The following DDAH1 variants were observed in gnomAD, a reference collection of about 807,000 sequenced individuals.
DDAH1 encodes the protein N(G),N(G)-dimethylarginine dimethylaminohydrolase 1.
In DDAH1, 19 loss-of-function variants were observed where a neutral mutation model predicts 28.8. The observed-to-expected ratio is 0.66, with a 90% CI of 0.46 to 0.97. The LOEUF (loss-of-function observed/expected upper bound fraction) is 0.97, where lower values mean the gene tolerates loss of function less well. DDAH1 is among the 50% of genes least tolerant of loss of function. DDAH1 has a pLI of 0.00. For synonymous variants in DDAH1, 153 were observed against 154.4 expected (o/e 0.99, Z 0.07); for missense variants, 326 against 375.9 (o/e 0.87, Z 1.10).
At chr1:85,365,178 T>C (rs867143270) in intron 1 of DDAH1, among the ~76,000 whole-genome samples, 5 of 152,184 alleles carry the variant, frequency 3.3e-5, no homozygotes, top group African/African-American at 9.7e-5. Context: ...CAAAGTCTCA[T>C]AGCAAGTAAG....
intron 1 of DDAH1, among the ~76,000 whole-genome samples, chr1:85,570,839 G>A (rs1659433953): frequency 6.6e-6 from 1 of 152,030 alleles, no homozygotes. Context: ...TAAGGAATGT[G>A]TAAAGGGCTG....
At chr1:85,534,103 A>G (rs1658184891) in intron 1 of DDAH1, among the ~76,000 whole-genome samples, 1 of 152,128 alleles carries the variant, frequency 6.6e-6, no homozygotes, top group Admixed American at 6.5e-5. Context: ...AGGAAGAAAA[A>G]CTTACTCTTA....
rs1214785480 is a variant in DDAH1 at position 85,395,819 on chromosome 1, T to C, written c.304-36972A>G. Among the ~76,000 whole-genome samples, 3 of 152,168 alleles carry C rather than the reference T, an allele frequency of 2.0e-5. No individual in the cohort carries two copies. The East Asian group carries it at 5.8e-4, about 29-fold the overall frequency. Reference sequence around the variant, plus strand: ...GTTGGCTAAAATTAAAAAAGAATTGTTTTTAGGTTTTTCTAAAAATTAAGC... The same window carrying C: ...GTTGGCTAAAATTAAAAAAGAATTGCTTTTAGGTTTTTCTAAAAATTAAGC... On this transcript the variant is annotated intron_variant, in intron 1 of 5. Transcript: ENST00000284031.
intron 2 of DDAH1, among the ~76,000 whole-genome samples, chr1:85,353,443 T>C (rs1649334220): frequency 6.6e-6 from 1 of 152,174 alleles, no homozygotes; most frequent in Non-Finnish European, 1.5e-5. Flanking sequence ...GCAAATGACA[T>C]AGGTCAGGTG....
intron 1 of DDAH1, among the ~76,000 whole-genome samples, chr1:85,366,923 G>A (rs1650107253): frequency 6.6e-6 from 1 of 152,164 alleles, no homozygotes; most frequent in Admixed American, 6.5e-5. Context: ...AGTGAGATAA[G>A]TATATGACAC....
intron 1 of DDAH1, among the ~76,000 whole-genome samples, chr1:85,444,751 T>G (rs2100659095): frequency 6.6e-6 from 1 of 152,310 alleles, no homozygotes; most frequent in South Asian, 2.1e-4. Flanking sequence ...GGAAAGGAGT[T>G]CATAGATGTG....
At chr1:85,435,612 C>T (rs1467052619) in intron 1 of DDAH1, among the ~76,000 whole-genome samples, 1 of 152,060 alleles carries the variant, frequency 6.6e-6, no homozygotes, top group African/African-American at 2.4e-5. Context: ...AACAGAAATG[C>T]AGGAGGTGGA....
chr1:85,340,723 C>A (rs1026724591), intron 4 of DDAH1, among the ~76,000 whole-genome samples: 1 of 152,038 alleles, frequency 6.6e-6, no homozygotes, highest in Non-Finnish European at 1.5e-5. Context: ...CCAGACAGAT[C>A]TTTCTGAAAA....
At chr1:85,490,403 C>A (rs1163409371) in intron 2 of DDAH1, among the ~76,000 whole-genome samples, 1 of 152,172 alleles carries the variant, frequency 6.6e-6, no homozygotes, top group African/African-American at 2.4e-5. Context: ...GTATCTCTAA[C>A]ACAGTATGAT....
At chr1:85,432,212 A>G (rs1263342299) in intron 1 of DDAH1, among the ~76,000 whole-genome samples, 1 of 152,204 alleles carries the variant, frequency 6.6e-6, no homozygotes, top group Admixed American at 6.5e-5. Flanking sequence ...GGCTCAAGAT[A>G]GCAAGATTGA....
intron 2 of DDAH1, among the ~76,000 whole-genome samples, chr1:85,475,417 AT>A (rs1190345471): frequency 6.6e-6 from 1 of 152,160 alleles, no homozygotes; most frequent in African/African-American, 2.4e-5. Flanking sequence ...CCTCTTTCCT[AT>A]TCCATTATTG....
chr1:85,389,415 T>A (rs10782548), intron 1 of DDAH1, among the ~76,000 whole-genome samples: 104,809 of 152,056 alleles, frequency 0.69, 36,274 homozygotes, highest in South Asian at 0.84. Flanking sequence ...GAGTCTAGAC[T>A]ATCCCATACA....
intron 1 of DDAH1, among the ~76,000 whole-genome samples, chr1:85,386,027 C>T (rs1651240124): frequency 6.6e-6 from 1 of 152,066 alleles, no homozygotes; most frequent in African/African-American, 2.4e-5. Context: ...GAGGATGGCA[C>T]CAAGCATGAG....
At chr1:85,561,075 T>A (rs1213473784) in intron 1 of DDAH1, among the ~76,000 whole-genome samples, 10 of 152,080 alleles carry the variant, frequency 6.6e-5, no homozygotes, top group Non-Finnish European at 7.4e-5. Flanking sequence ...AGGGAGTGTA[T>A]CCTAGTGGTT....
intron 1 of DDAH1, among the ~76,000 whole-genome samples, chr1:85,385,890 G>A (rs1008213320): frequency 6.6e-6 from 1 of 152,180 alleles, no homozygotes; most frequent in Admixed American, 6.5e-5. Context: ...GCCAATGGGA[G>A]CAGGTATAAG....
chr1:85,334,468 G>A (rs1278055225), intron 4 of DDAH1, among the ~76,000 whole-genome samples: 1 of 152,214 alleles, frequency 6.6e-6, no homozygotes, highest in African/African-American at 2.4e-5. Flanking sequence ...ATGTTGAATT[G>A]TAATTCCCAA....
chr1:85,436,606 G>C (rs1385635066), intron 1 of DDAH1, among the ~76,000 whole-genome samples: 1 of 152,206 alleles, frequency 6.6e-6, no homozygotes, highest in Non-Finnish European at 1.5e-5. Context: ...CAGAAGCTCT[G>C]CTGGCTATGC....
chr1:85,510,378 C>G (rs1239114896), intron 1 of DDAH1, among the ~76,000 whole-genome samples: 3 of 152,170 alleles, frequency 2.0e-5, no homozygotes, highest in Admixed American at 2.0e-4. Flanking sequence ...AGAACCGGAA[C>G]CAGCTGCTGC....
chr1:85,576,964 G>GCCGCCA (rs71075845), intron 1 of DDAH1: 42,535 of 153,694 alleles, frequency 0.28, 6,078 homozygotes, highest in South Asian at 0.49. Context: ...AGCCGCCGCC[G>GCCGCCA]CCGCCACCGC....
Sources: allele counts gnomAD v4.1 joint callset (sites outside exome capture counted in the v4.1 genomes callset), GRCh38; gene constraint gnomAD v4.1.1; transcripts MANE v1.5; gene names NCBI Gene and HGNC (gene_info 2026-07-23, HGNC 2026-07-21).